Variants in CNKSR2 observed in about 807,000 individuals in gnomAD.
The protein encoded by CNKSR2 is connector enhancer of kinase suppressor of Ras 2.
CNKSR2 carries 14 observed loss-of-function variants against 84.4 expected under a neutral mutation model. That is an observed-to-expected ratio of 0.17 (90% confidence interval 0.11 to 0.26). The LOEUF (loss-of-function observed/expected upper bound fraction) is 0.26, where lower values mean the gene tolerates loss of function less well. Among genes scored for constraint, CNKSR2 ranks in the 10% least tolerant of loss-of-function variants. The pLI is 1.00. For missense variants in CNKSR2, 485 were observed against 771.2 expected, an observed-to-expected ratio of 0.63 and a Z score of 4.40; for synonymous variants, 275 against 277.9, an observed-to-expected ratio of 0.99 and a Z score of 0.10.
chrX:21,386,429 T>C (rs1288845712), intron 1 of CNKSR2, among the ~76,000 whole-genome samples: 4 of 112,255 alleles, frequency 3.6e-5, no homozygotes, highest in Non-Finnish European at 5.6e-5. Context: ...AAAAAACTAT[T>C]GTGAAATAAA....
chrX:21,535,878 C>T (rs1485180548), intron 11 of CNKSR2, among the ~76,000 whole-genome samples: 2 of 111,185 alleles, frequency 1.8e-5, no homozygotes, highest in Non-Finnish European at 3.8e-5. Context: ...TATCTAATTT[C>T]TCTGGTTAGC....
At chrX:21,412,067 G>C (rs2090352434) in intron 1 of CNKSR2, among the ~76,000 whole-genome samples, 1 of 112,085 alleles carries the variant, frequency 8.9e-6, no homozygotes, top group Admixed American at 9.4e-5. Flanking sequence ...CTGTGTTGTA[G>C]AAGAATAAAG....
At chrX:21,525,389 A>G (rs2091825304) in intron 9 of CNKSR2, among the ~76,000 whole-genome samples, 1 of 111,328 alleles carries the variant, frequency 9.0e-6, no homozygotes, top group Non-Finnish European at 1.9e-5. Context: ...CAATTCTTCA[A>G]TTAACATGTA....
chrX:21,500,915 A>T (rs2147065293), intron 7 of CNKSR2, among the ~76,000 whole-genome samples: 1 of 111,713 alleles, frequency 9.0e-6, no homozygotes, highest in African/African-American at 3.2e-5. Flanking sequence ...ATTTGAACTA[A>T]TTGCTGTCCA....
At position 21,472,161 on chromosome X, in the gene CNKSR2, A is replaced by G. The variant is rs771765106; in HGVS notation, c.561+1354A>G. 5.4e-5 allele frequency among the ~76,000 whole-genome samples: 6 copies of G among 111,546 alleles called. No individual in the cohort carries two copies. In the East Asian group the frequency reaches 1.1e-3, roughly 21 times the overall value. On this transcript the variant is annotated intron_variant, in intron 5 of 21. Transcript: ENST00000379510. Reference sequence around the variant, plus strand: ...CCAGGGCTACTGTCTAGCTGTGCCTATTTTGTCAATAACTAAGGAGCATGC... The same window carrying G: ...CCAGGGCTACTGTCTAGCTGTGCCTGTTTTGTCAATAACTAAGGAGCATGC...
intron 11 of CNKSR2, among the ~76,000 whole-genome samples, chrX:21,559,960 C>T (rs2092173225): frequency 1.8e-5 from 2 of 111,404 alleles, no homozygotes; most frequent in South Asian, 7.5e-4. Flanking sequence ...AAGATTGATA[C>T]TTTTTCCTTA....
intron 1 of CNKSR2, chrX:21,424,961 G>T (rs1043281427): frequency 1.8e-5 from 2 of 111,511 alleles, no homozygotes; most frequent in African/African-American, 6.5e-5. Flanking sequence ...TAGGCAGGGA[G>T]TCCCTCATCT....
chrX:21,398,413 T>C (rs1302004639), intron 1 of CNKSR2, among the ~76,000 whole-genome samples: 2 of 112,455 alleles, frequency 1.8e-5, no homozygotes, highest in African/African-American at 6.4e-5. Context: ...GTACTTGCTA[T>C]CTTTTACAAA....
chrX:21,472,597 A>C (rs1422013712), intron 5 of CNKSR2, among the ~76,000 whole-genome samples: 2 of 111,859 alleles, frequency 1.8e-5, no homozygotes, highest in African/African-American at 6.5e-5. Flanking sequence ...ATATTTTTAC[A>C]TCTGTTGATG....
At chrX:21,375,032 G>T in intron 1 of CNKSR2, 71 bp downstream of exon 1, 1 of 884,358 alleles carries the variant, frequency 1.1e-6, no homozygotes, top group Non-Finnish European at 1.6e-6. Context: ...AGGAGGGGGC[G>T]CCCGCCGCGC....
At chrX:21,572,962 C>T (rs62591186) in intron 13 of CNKSR2, among the ~76,000 whole-genome samples, 1 of 111,968 alleles carries the variant, frequency 8.9e-6, no homozygotes, top group Non-Finnish European at 1.9e-5. Flanking sequence ...AGGCAAGTCC[C>T]TTCTGCCTAA....
intron 8 of CNKSR2, 79 bp from the exon 9 acceptor site, chrX:21,516,406 A>G (rs2091728979): frequency 3.0e-6 from 3 of 1,001,285 alleles, no homozygotes; most frequent in African/African-American, 2.0e-5. Context: ...TTTTTTTACT[A>G]ATCTTATTAA....
intron 8 of CNKSR2, chrX:21,503,505 C>A: frequency 3.8e-6 from 1 of 261,053 alleles, no homozygotes; most frequent in Non-Finnish European, 6.8e-6. Context: ...AATTGAGACT[C>A]AGAATAATTA....
chrX:21,561,660 T>C (rs1202869885), intron 12 of CNKSR2, 100 bp downstream of exon 12: 3 of 601,726 alleles, frequency 5.0e-6, no homozygotes, highest in East Asian at 3.4e-5. Context: ...GGAAAACTTA[T>C]TCTATCATTG....
At chrX:21,523,496 C>T (rs774783448) in intron 9 of CNKSR2, among the ~76,000 whole-genome samples, 1 of 110,750 alleles carries the variant, frequency 9.0e-6, no homozygotes, top group Non-Finnish European at 1.9e-5. Flanking sequence ...ATTGAAATTT[C>T]TTTGTAGTGC....
intron 13 of CNKSR2, among the ~76,000 whole-genome samples, chrX:21,576,293 T>A (rs1351639424): frequency 8.9e-6 from 1 of 112,033 alleles, no homozygotes; most frequent in Non-Finnish European, 1.9e-5. Context: ...TCCAGCCACT[T>A]GGAAATTAAA....
chrX:21,548,139 G>A (rs1472541967), intron 11 of CNKSR2, among the ~76,000 whole-genome samples: 2 of 111,382 alleles, frequency 1.8e-5, no homozygotes, highest in African/African-American at 6.5e-5. Context: ...TCCAAGAGGT[G>A]GTTTTTTGAA....
At position 21,495,783 on chromosome X, in the gene CNKSR2, C is replaced by CA. The variant is rs55689293; in HGVS notation, c.682-1965dup. ...GGGGGACGAAAGTGAAGCTCCGTCT[C>CA]AAAAAAAAAAAAAAAAAAAAAAAAA... On this transcript the variant is annotated intron_variant, in intron 6 of 21. Coordinates refer to ENST00000379510, the MANE Select transcript of CNKSR2 (RefSeq NM_014927.5). 1.4e-3 allele frequency: 10 copies of CA among 6,962 alleles called. 1 individual carries two copies. Among genetic ancestry groups the CA allele is most frequent in the Admixed American group, 2.5e-3 (1 of 406 alleles). The allele number at this position is 6,962 out of a possible 1,213,427, so 0.6% of individuals were successfully genotyped here. A position where few individuals can be genotyped will look rare whatever the true frequency, so the allele number is the denominator to read the frequency against.
At chrX:21,403,890 A>G (rs1367648731) in intron 1 of CNKSR2, among the ~76,000 whole-genome samples, 1 of 112,012 alleles carries the variant, frequency 8.9e-6, no homozygotes, top group African/African-American at 3.2e-5. Flanking sequence ...CATGTATACC[A>G]CATGCTACTT....
Sources: allele counts gnomAD v4.1 joint callset (sites outside exome capture counted in the v4.1 genomes callset), GRCh38; gene constraint gnomAD v4.1.1; transcripts MANE v1.5; gene names NCBI Gene and HGNC (gene_info 2026-07-23, HGNC 2026-07-21).